The following PLCXD2 variants were observed in gnomAD, a reference collection of about 807,000 sequenced individuals.
The protein encoded by PLCXD2 is phosphatidylinositol specific phospholipase C X domain containing 2.
PLCXD2 carries 21 observed loss-of-function variants against 28.6 expected under a neutral mutation model. The observed-to-expected ratio is 0.73, with a 90% CI of 0.52 to 1.06. The LOEUF is 1.06. Ranked by LOEUF, PLCXD2 falls within the 50% of genes least tolerant of loss-of-function variation. The pLI, the probability that PLCXD2 is intolerant of heterozygous loss-of-function variation, is 0.00. For synonymous variants in PLCXD2, 140 were observed against 150.1 expected (o/e 0.93, Z 0.49); for missense variants, 369 against 376.7 (o/e 0.98, Z 0.17).
intron 3 of PLCXD2, among the ~76,000 whole-genome samples, chr3:111,714,776 G>A (rs540634774): frequency 9.9e-5 from 15 of 152,232 alleles, no homozygotes; most frequent in African/African-American, 2.2e-4. Context: ...GTGTGTGTGC[G>A]CGCACATATA....
intron 3 of PLCXD2, among the ~76,000 whole-genome samples, chr3:111,714,850 A>T (rs574085934): frequency 3.9e-5 from 6 of 152,336 alleles, no homozygotes; most frequent in African/African-American, 9.6e-5. Context: ...GTATATGTAT[A>T]AAAGGAATGT....
chr3:111,706,424 T>G (rs1941119146), intron 1 of PLCXD2, among the ~76,000 whole-genome samples: 1 of 152,222 alleles, frequency 6.6e-6, no homozygotes, highest in Non-Finnish European at 1.5e-5. Flanking sequence ...GTTTGAAGTC[T>G]TAGCTGTGAA....
At chr3:111,710,394 G>A (rs1941184239) in intron 2 of PLCXD2, among the ~76,000 whole-genome samples, 1 of 152,164 alleles carries the variant, frequency 6.6e-6, no homozygotes, top group Non-Finnish European at 1.5e-5. Flanking sequence ...CCTTTACAAT[G>A]AGCTACGTAC....
chr3:111,678,977 C>T (rs938603468), intron 1 of PLCXD2, among the ~76,000 whole-genome samples: 5 of 152,056 alleles, frequency 3.3e-5, no homozygotes, highest in African/African-American at 9.7e-5. Flanking sequence ...TTACTTGATG[C>T]AAATGAACTT....
intron 3 of PLCXD2, chr3:111,721,203 TC>T (rs1162895748): frequency 5.9e-6 from 1 of 169,806 alleles, no homozygotes; most frequent in African/African-American, 2.4e-5. Flanking sequence ...GTATTGAGTG[TC>T]CCCCTAATTG....
intron 1 of PLCXD2, among the ~76,000 whole-genome samples, chr3:111,675,838 T>C (rs1940612727): frequency 6.6e-6 from 1 of 152,220 alleles, no homozygotes; most frequent in Non-Finnish European, 1.5e-5. Context: ...TTATCTGACC[T>C]TGTGTATTGG....
Position 111,705,681 on chromosome 3 carries a change from TG to T in PLCXD2, c.164-2244del, listed in dbSNP as rs199531758. Among the ~76,000 whole-genome samples, 391 of 149,320 alleles carry T rather than the reference TG, an allele frequency of 2.6e-3. 4 individuals carry two copies. Among genetic ancestry groups the T allele is most frequent in the South Asian group, 0.014 (65 of 4,732 alleles). On this transcript the variant is annotated intron_variant, in intron 1 of 4. Transcript: ENST00000477665. The stretch of plus-strand genomic sequence containing the variant: ...AGCATTTGTTATTTTTTGTCTTTTT[TG>T]TTTTTATAATTGCTGTTGTAACTGG...
chr3:111,726,157 A>C (rs1941412718), intron 3 of PLCXD2: 4 of 323,434 alleles, frequency 1.2e-5, no homozygotes, highest in Admixed American at 9.8e-5. Flanking sequence ...TGAAAAGTCA[A>C]ATAGGCCTTT....
At chr3:111,725,871 CT>C in intron 3 of PLCXD2, 1 of 398,476 alleles carries the variant, frequency 2.5e-6, no homozygotes, top group Non-Finnish European at 4.4e-6. Context: ...CTACTTTTTC[CT>C]TTTGTCTCCT....
At chr3:111,703,530 C>A (rs1941076223) in intron 1 of PLCXD2, among the ~76,000 whole-genome samples, 1 of 152,180 alleles carries the variant, frequency 6.6e-6, no homozygotes, top group Admixed American at 6.5e-5. Context: ...ATCTCTCCTC[C>A]ACGCTTGGAT....
At chr3:111,712,772 T>C (rs111542478) in intron 2 of PLCXD2, among the ~76,000 whole-genome samples, 2,185 of 152,330 alleles carry the variant, frequency 0.014, 26 homozygotes, top group Non-Finnish European at 0.024. Flanking sequence ...CTCGTGAGCA[T>C]GTGCAGGGCA....
intron 1 of PLCXD2, among the ~76,000 whole-genome samples, chr3:111,694,835 A>G (rs1005878230): frequency 2.4e-4 from 37 of 152,306 alleles, no homozygotes; most frequent in African/African-American, 8.4e-4. Flanking sequence ...CTGAGAGTGG[A>G]CATTCATGCT....
At chr3:111,682,152 T>C (rs1940726046) in intron 1 of PLCXD2, among the ~76,000 whole-genome samples, 2 of 152,344 alleles carry the variant, frequency 1.3e-5, no homozygotes, top group South Asian at 2.1e-4. Flanking sequence ...GCAGGAGTCC[T>C]TCCACCTTCT....
At chr3:111,702,935 T>G (rs1242812894) in intron 1 of PLCXD2, among the ~76,000 whole-genome samples, 1 of 152,268 alleles carries the variant, frequency 6.6e-6, no homozygotes, top group African/African-American at 2.4e-5. Flanking sequence ...TTACATGGTT[T>G]ATAAATATTG....
intron 1 of PLCXD2, among the ~76,000 whole-genome samples, chr3:111,696,108 G>A (rs73214109): frequency 0.02 from 3,097 of 152,260 alleles, 44 homozygotes; most frequent in Non-Finnish European, 0.033. Flanking sequence ...TTGGAGGGGG[G>A]CATCTGTTCT....
Position 111,708,161 on chromosome 3 carries a change from G to A in PLCXD2, c.399G>A (p.Gly133=), listed in dbSNP as rs760549244. The A allele has an allele frequency of 6.2e-7, 1 of 1,614,184 alleles. No individual in the cohort carries two copies. The highest frequency in any genetic ancestry group is 2.2e-5 in the East Asian group (1 of 44,888). ...ACCAGGAGATCTACTTCATCCATGGGCTTTTTGGCATCAAGGTCTGGGATG... is the reference window on the plus strand; with the variant it reads ...ACCAGGAGATCTACTTCATCCATGGACTTTTTGGCATCAAGGTCTGGGATG... Residue 133 remains glycine, a synonymous_variant, in exon 2 of 5, where the codon GGG becomes GGA. Coordinates refer to ENST00000477665, the MANE Select transcript of PLCXD2 (RefSeq NM_001185106.1).
chr3:111,697,420 A>G (rs1940978319), intron 1 of PLCXD2, among the ~76,000 whole-genome samples: 1 of 152,238 alleles, frequency 6.6e-6, no homozygotes, highest in African/African-American at 2.4e-5. Context: ...AGAGAGATGA[A>G]CTAACATAAA....
intron 1 of PLCXD2, among the ~76,000 whole-genome samples, chr3:111,695,856 T>TATGAATTG: frequency 6.6e-6 from 1 of 152,372 alleles, no homozygotes; most frequent in South Asian, 2.1e-4. Context: ...ATTTAAAACT[T>TATGAATTG]ATGAATTGTT....
intron 1 of PLCXD2, among the ~76,000 whole-genome samples, chr3:111,702,932 G>A (rs1941063564): frequency 6.6e-6 from 1 of 152,140 alleles, no homozygotes; most frequent in Non-Finnish European, 1.5e-5. Flanking sequence ...AGATTACATG[G>A]TTTATAAATA....
Sources: allele counts gnomAD v4.1 joint callset (sites outside exome capture counted in the v4.1 genomes callset), GRCh38; gene constraint gnomAD v4.1.1; transcripts MANE v1.5; gene names NCBI Gene and HGNC (gene_info 2026-07-23, HGNC 2026-07-21).